The following DGKD variants were observed in gnomAD, a reference collection of about 807,000 sequenced individuals.
DGKD encodes DAG kinase delta.
Under a neutral mutation model 154.4 loss-of-function variants are expected in DGKD, and 68 were observed. The ratio of observed to expected loss-of-function variants is 0.44; its 90% CI spans 0.36 to 0.54. The LOEUF (loss-of-function observed/expected upper bound fraction) is 0.54. Ranked by LOEUF, DGKD falls within the 20% of genes least tolerant of loss-of-function variation. DGKD has a pLI of 0.00. For missense variants in DGKD, 1,343 were observed against 1,593.6 expected (o/e 0.84, Z 2.68); for synonymous variants, 693 against 638.0 (o/e 1.09, Z -1.30).
intron 1 of DGKD, among the ~76,000 whole-genome samples, chr2:233,374,966 G>A (rs1702494210): frequency 6.6e-6 from 1 of 152,162 alleles, no homozygotes; most frequent in Non-Finnish European, 1.5e-5. Flanking sequence ...ACCATGCCCA[G>A]CCCCACTTTT....
At chr2:233,357,034 C>T (rs950013570) in intron 1 of DGKD, among the ~76,000 whole-genome samples, 1 of 152,224 alleles carries the variant, frequency 6.6e-6, no homozygotes, top group African/African-American at 2.4e-5. Flanking sequence ...TGAGGCAAGC[C>T]GGAGATGAGG....
intron 1 of DGKD, among the ~76,000 whole-genome samples, chr2:233,372,450 A>C (rs905681640): frequency 2.6e-5 from 4 of 152,030 alleles, no homozygotes; most frequent in Non-Finnish European, 1.5e-5. Context: ...ACTCTGATAA[A>C]AATGGACTAG....
In DGKD at chr2:233,440,690, C is replaced by G. The variant is rs1317650085; in HGVS notation, c.1086-1197C>G. Among the ~76,000 whole-genome samples the G allele has an allele frequency of 6.6e-6, 1 of 152,204 alleles. No homozygotes were observed. The highest frequency in any genetic ancestry group is 2.4e-5 in the African/African-American group (1 of 41,450). ...GCAGCAGAAAGGTGGCACCTGCCGTCAGGGAGGGCTGCGGGTGCTGGCCAA... is the reference window on the plus strand; with the variant it reads ...GCAGCAGAAAGGTGGCACCTGCCGTGAGGGAGGGCTGCGGGTGCTGGCCAA... On this transcript the variant is annotated intron_variant, in intron 9 of 29. Transcript: ENST00000264057. The surrounding 1 kb of genome is among the most constrained non-coding windows in gnomAD (Gnocchi z 4.9).
chr2:233,369,718 G>C (rs1480728922), intron 1 of DGKD, among the ~76,000 whole-genome samples: 1 of 152,152 alleles, frequency 6.6e-6, no homozygotes, highest in Non-Finnish European at 1.5e-5. Flanking sequence ...GATCGGCCAC[G>C]GGCCCAGGCT....
At chr2:233,467,693 A>G (rs987202070) in intron 28 of DGKD, among the ~76,000 whole-genome samples, 1 of 152,190 alleles carries the variant, frequency 6.6e-6, no homozygotes, top group Admixed American at 6.5e-5. Context: ...GGGTCAGTAA[A>G]TTGGAGCTAA....
At chr2:233,426,191 C>T (rs1184059891) in intron 3 of DGKD, among the ~76,000 whole-genome samples, 1 of 152,214 alleles carries the variant, frequency 6.6e-6, no homozygotes, top group Non-Finnish European at 1.5e-5. Context: ...ATTCATGCTT[C>T]ATATTTCATA....
intron 1 of DGKD, among the ~76,000 whole-genome samples, chr2:233,377,183 A>G (rs1278332286): frequency 2.0e-5 from 3 of 151,520 alleles, no homozygotes; most frequent in African/African-American, 7.3e-5. Context: ...CCTGGGTTCA[A>G]ACGATTCTCT....
chr2:233,384,244 G>C (rs908446979), intron 1 of DGKD, among the ~76,000 whole-genome samples: 7 of 152,136 alleles, frequency 4.6e-5, no homozygotes, highest in African/African-American at 1.7e-4. Context: ...CCTCAGCTCA[G>C]TTCTCATTTA....
In DGKD at chr2:233,438,392, T is replaced by A. The variant is rs763733034; in HGVS notation, c.1085+13T>A. The A allele has an allele frequency of 1.2e-5, 19 of 1,600,206 alleles. No individual in the cohort carries two copies. The highest frequency in any genetic ancestry group is 1.0e-5 in the Non-Finnish European group (12 of 1,172,086). Reference sequence around the variant, plus strand: ...GCCCACACCTCGGGTAGGAAGCTTGTAAAATATATCTTTCTTGGAGTTTTA... The same window carrying A: ...GCCCACACCTCGGGTAGGAAGCTTGAAAAATATATCTTTCTTGGAGTTTTA... On this transcript the variant is annotated intron_variant, in intron 9 of 29. Coordinates refer to ENST00000264057, the MANE Select transcript of DGKD (RefSeq NM_152879.3). This position sits in a 1 kb window ranked among gnomAD's most constrained non-coding sequence, Gnocchi z 4.1.
At chr2:233,355,090 A>T (rs1196919651) in intron 1 of DGKD, among the ~76,000 whole-genome samples, 3 of 152,044 alleles carry the variant, frequency 2.0e-5, no homozygotes, top group Non-Finnish European at 4.4e-5. Flanking sequence ...CCGGTTCTGC[A>T]CGTTTCTCAG....
intron 10 of DGKD, among the ~76,000 whole-genome samples, chr2:233,442,775 T>C (rs2062943043): frequency 6.6e-6 from 1 of 152,088 alleles, no homozygotes; most frequent in East Asian, 1.9e-4. Context: ...CCAGCTAATT[T>C]TTGTATTTTT....
intron 1 of DGKD, among the ~76,000 whole-genome samples, chr2:233,358,603 T>C (rs934477422): frequency 3.9e-5 from 6 of 152,230 alleles, no homozygotes; most frequent in African/African-American, 1.4e-4. Flanking sequence ...AAGAATCTAC[T>C]TTCTGTCTCT....
At position 233,434,272 on chromosome 2, in the gene DGKD, T is replaced by C. The variant is rs1035236705; in HGVS notation, c.349-108T>C. The C allele has an allele frequency of 5.0e-6, 4 of 807,084 alleles. No homozygotes were observed. In the African/African-American group the frequency reaches 6.9e-5, roughly 14 times the overall value. 50.0% of individuals were successfully genotyped at this position (807,084 alleles called of 1,614,324 possible). On this transcript the variant is annotated intron_variant, in intron 3 of 29. Transcript: ENST00000264057. ...TTTCGGTTCAGTGTGAATACCTGAA[T>C]GAAATAGTAATTTTTATGTCTGTGT...
chr2:233,409,928 G>C (rs1223237909), intron 3 of DGKD, among the ~76,000 whole-genome samples: 2 of 151,892 alleles, frequency 1.3e-5, no homozygotes, highest in African/African-American at 4.8e-5. Flanking sequence ...CTCCAGGCCT[G>C]TGGCTGGGTG....
At chr2:233,444,680 C>T (rs535657528) in intron 10 of DGKD, among the ~76,000 whole-genome samples, 5 of 148,498 alleles carry the variant, frequency 3.4e-5, no homozygotes, top group Non-Finnish European at 5.9e-5. Context: ...TCCTGGCCTG[C>T]TCGCTCCTGC....
At chr2:233,419,319 C>G (rs2062044062) in intron 3 of DGKD, 1 of 985,388 alleles carries the variant, frequency 1.0e-6, no homozygotes, top group Non-Finnish European at 1.2e-6. Context: ...TCTGTAGGCT[C>G]TTGCCCATTG....
Position 233,354,605 on chromosome 2 carries a change from C to G in DGKD, c.87C>G (p.Pro29=). 3 of 1,124,810 alleles carry G rather than the reference C, an allele frequency of 2.7e-6. No homozygotes were observed. Among genetic ancestry groups the G allele is most frequent in the Non-Finnish European group, 3.3e-6 (3 of 902,024 alleles). 69.7% of individuals were successfully genotyped at this position (1,124,810 alleles called of 1,614,324 possible). Residue 29 remains proline (P), a synonymous_variant, in exon 1 of 30, where the codon CCC becomes CCG. Coordinates refer to ENST00000264057, the MANE Select transcript of DGKD (RefSeq NM_152879.3). This position sits in a 1 kb window ranked among gnomAD's most constrained non-coding sequence, Gnocchi z 4.8. Reference sequence around the variant, plus strand: ...CCGAGGAGTCGTCCGACAGCGAGCCCGAGGCGGAGCCCGGCTCCCCACAGA... The same window carrying G: ...CCGAGGAGTCGTCCGACAGCGAGCCGGAGGCGGAGCCCGGCTCCCCACAGA... ...PPPEESSDSE[P]EAEPGSPQKL... is the part of the protein sequence containing the mutation.
chr2:233,443,073 C>T (rs538270065), intron 10 of DGKD, among the ~76,000 whole-genome samples: 33 of 152,290 alleles, frequency 2.2e-4, no homozygotes, highest in Middle Eastern at 6.8e-3. Context: ...CCTCTCTGAG[C>T]GCACCCAAGC....
Position 233,457,002 on chromosome 2 carries a change from G to T in DGKD, c.2472+7G>T. ...GCAAAAGGTCTTGCTGGAGGTGAGTGGGAGGGTCCTTGTCACCTGCAGGCT... is the reference window on the plus strand; with the variant it reads ...GCAAAAGGTCTTGCTGGAGGTGAGTTGGAGGGTCCTTGTCACCTGCAGGCT... On this transcript the variant is annotated splice_region_variant and intron_variant, in intron 20 of 29. Coordinates refer to ENST00000264057, the MANE Select transcript of DGKD (RefSeq NM_152879.3). The surrounding 1 kb of genome is among the most constrained non-coding windows in gnomAD (Gnocchi z 5.5). 1 of 1,610,146 alleles carries T rather than the reference G, an allele frequency of 6.2e-7. No homozygotes were observed.
Sources: gnomAD v4.1 joint callset for allele counts (sites outside exome capture counted in the v4.1 genomes callset) on GRCh38, gnomAD v4.1.1 for gene constraint, Gnocchi (gnomAD v3.1) non-coding constraint, MANE v1.5 for transcripts, NCBI Gene and HGNC (gene_info 2026-07-23, HGNC 2026-07-21) for gene names.